MTMR12: variants seen among roughly 807,000 people sequenced by gnomAD.
The protein encoded by MTMR12 is myotubularin-related protein 12.
A neutral mutation model predicts 96.7 loss-of-function variants in MTMR12; 33 were observed. That is an observed-to-expected ratio of 0.34 (90% CI 0.26 to 0.46). The LOEUF is 0.46. MTMR12 is among the 20% of genes least tolerant of loss of function. MTMR12 has a pLI of 1.00. For missense variants in MTMR12, 721 were observed against 896.1 expected, an observed-to-expected ratio of 0.80 and a Z score of 2.49; for synonymous variants, 298 against 327.2, an observed-to-expected ratio of 0.91 and a Z score of 0.96.
chr5:32,299,600 AG>A (rs1363694665), intron 1 of MTMR12, among the ~76,000 whole-genome samples: 1 of 152,218 alleles, frequency 6.6e-6, no homozygotes, highest in East Asian at 1.9e-4. Context: ...GGCTTGGAGC[AG>A]GAAGAAGGCA....
intron 1 of MTMR12, among the ~76,000 whole-genome samples, chr5:32,293,419 C>T (rs1240944769): frequency 6.6e-6 from 1 of 152,152 alleles, no homozygotes; most frequent in Non-Finnish European, 1.5e-5. Flanking sequence ...ATGCTGGATG[C>T]TTCGTGCCCT....
At chr5:32,274,432 G>A (rs1197608052) in intron 2 of MTMR12, among the ~76,000 whole-genome samples, 2 of 152,046 alleles carry the variant, frequency 1.3e-5, no homozygotes, top group African/African-American at 2.4e-5. Context: ...GCACTTTCAC[G>A]CAGAAATCTT....
At chr5:32,241,319 G>A (rs934248767) in intron 12 of MTMR12, among the ~76,000 whole-genome samples, 3 of 152,124 alleles carry the variant, frequency 2.0e-5, no homozygotes, top group Non-Finnish European at 4.4e-5. Context: ...AATCTAAGTC[G>A]GTCAGCCAAT....
At position 32,271,796 on chromosome 5, in the gene MTMR12, A is replaced by T. The variant is rs369440284; in HGVS notation, c.358+37T>A. 6.8e-6 allele frequency: 9 copies of T among 1,315,152 alleles called. No individual in the cohort carries two copies. In the African/African-American group the frequency reaches 1.4e-4, roughly 20 times the overall value. The allele number at this position is 1,315,152 out of a possible 1,614,324, so 81.5% of individuals were successfully genotyped here. A position where few individuals can be genotyped will look rare whatever the true frequency, so the allele number is the denominator to read the frequency against. ...ATTATCATTATCACCTATACTCTCAAAGGTTGCCAACACCCCAGGGAAAAA... is the reference window on the plus strand; with the variant it reads ...ATTATCATTATCACCTATACTCTCATAGGTTGCCAACACCCCAGGGAAAAA... On this transcript the variant is annotated intron_variant, in intron 4 of 15. Coordinates refer to ENST00000382142, the MANE Select transcript of MTMR12 (RefSeq NM_001040446.3).
intron 1 of MTMR12, among the ~76,000 whole-genome samples, chr5:32,304,206 G>A (rs1015383804): frequency 2.0e-5 from 3 of 152,130 alleles, no homozygotes; most frequent in Admixed American, 1.3e-4. Context: ...TGTAGTCCCA[G>A]CTACTCGGGA....
At chr5:32,244,805 A>T (rs55850747) in intron 10 of MTMR12, among the ~76,000 whole-genome samples, 4 of 151,882 alleles carry the variant, frequency 2.6e-5, no homozygotes, top group African/African-American at 9.7e-5. Flanking sequence ...ATCACCAACG[A>T]CTAGCATAGT....
intron 1 of MTMR12, among the ~76,000 whole-genome samples, chr5:32,310,232 G>A (rs1326744946): frequency 1.3e-5 from 2 of 152,208 alleles, no homozygotes; most frequent in East Asian, 3.8e-4. Context: ...GAGTACAGGA[G>A]GTGGAGGCTA....
At chr5:32,293,166 G>A (rs1178566055) in intron 1 of MTMR12, among the ~76,000 whole-genome samples, 1 of 152,094 alleles carries the variant, frequency 6.6e-6, no homozygotes, top group East Asian at 1.9e-4. Context: ...ACAAGGGGTG[G>A]ACTTGTGATG....
chr5:32,306,066 A>C (rs922667301), intron 1 of MTMR12, among the ~76,000 whole-genome samples: 10 of 152,238 alleles, frequency 6.6e-5, no homozygotes, highest in African/African-American at 2.2e-4. Flanking sequence ...AAGCCAAAAA[A>C]GAAATTGCTA....
rs372166423 is a variant in MTMR12 at position 32,291,134 on chromosome 5, G to A, written c.82-14392C>T. ...TACCTTCTGTTCCCCAGCCTGCACCGATGACCTCATGGGGAGTTCCCTATG... is the reference window on the plus strand; with the variant it reads ...TACCTTCTGTTCCCCAGCCTGCACCAATGACCTCATGGGGAGTTCCCTATG... On this transcript the variant is annotated intron_variant, in intron 1 of 15. Transcript: ENST00000382142. Among the ~76,000 whole-genome samples the A allele has an allele frequency of 2.9e-4, 44 of 152,252 alleles. 1 individual carries two copies. The South Asian group carries it at 6.0e-3, about 21-fold the overall frequency.
chr5:32,268,259 G>A (rs545217255), intron 6 of MTMR12, among the ~76,000 whole-genome samples: 14 of 152,242 alleles, frequency 9.2e-5, no homozygotes, highest in African/African-American at 3.4e-4. Flanking sequence ...TGTAATCCCA[G>A]CACTTTGGGA....
intron 6 of MTMR12, 144 bp downstream of exon 6, chr5:32,268,557 G>T: frequency 4.1e-6 from 2 of 492,808 alleles, no homozygotes; most frequent in Non-Finnish European, 7.3e-6. Context: ...ATATCTAAAT[G>T]AATCACTCAA....
chr5:32,231,014 GC>G (rs1470645130), intron 15 of MTMR12, among the ~76,000 whole-genome samples: 9 of 152,284 alleles, frequency 5.9e-5, no homozygotes, highest in African/African-American at 2.2e-4. Context: ...AAATGGGAGA[GC>G]ATTTTCACAT....
intron 12 of MTMR12, among the ~76,000 whole-genome samples, chr5:32,241,132 A>G (rs1038147137): frequency 4.6e-5 from 7 of 152,178 alleles, no homozygotes; most frequent in Non-Finnish European, 7.3e-5. Context: ...TTAGACCTCC[A>G]ATCTTTATCC....
intron 7 of MTMR12, among the ~76,000 whole-genome samples, chr5:32,259,346 G>T (rs899815658): frequency 1.3e-5 from 2 of 152,198 alleles, no homozygotes; most frequent in African/African-American, 2.4e-5. Context: ...TGGGAGAAAG[G>T]TTTGTTAGGA....
At chr5:32,250,967 T>C (rs1748894769) in intron 8 of MTMR12, among the ~76,000 whole-genome samples, 1 of 152,148 alleles carries the variant, frequency 6.6e-6, no homozygotes, top group Non-Finnish European at 1.5e-5. Flanking sequence ...ATGAGTGACT[T>C]CATAGGCAAG....
At chr5:32,251,652 C>A (rs1482134782) in intron 8 of MTMR12, among the ~76,000 whole-genome samples, 1 of 152,090 alleles carries the variant, frequency 6.6e-6, no homozygotes, top group African/African-American at 2.4e-5. Context: ...CGCTTGACTA[C>A]GAAGGAAGTG....
At chr5:32,305,776 G>A (rs1024125766) in intron 1 of MTMR12, among the ~76,000 whole-genome samples, 1 of 152,110 alleles carries the variant, frequency 6.6e-6, no homozygotes, top group Non-Finnish European at 1.5e-5. Context: ...AGTGGTGCAT[G>A]CCTCTAATCC....
At chr5:32,271,503 T>C (rs1749831430) in intron 4 of MTMR12, among the ~76,000 whole-genome samples, 1 of 152,156 alleles carries the variant, frequency 6.6e-6, no homozygotes. Flanking sequence ...CTTAATGCAA[T>C]ACAACAGACC....
Sources: gnomAD v4.1 joint callset for allele counts (sites outside exome capture counted in the v4.1 genomes callset) on GRCh38, gnomAD v4.1.1 for gene constraint, MANE v1.5 for transcripts, NCBI Gene and HGNC (gene_info 2026-07-23, HGNC 2026-07-21) for gene names.